The following DST variants were observed in gnomAD, a reference collection of about 807,000 sequenced individuals.
DST encodes dystonin.
DST carries 253 observed loss-of-function variants against 875.2 expected under a neutral mutation model. The observed-to-expected ratio is 0.29, with a 90% confidence interval of 0.26 to 0.32. DST has a LOEUF of 0.32. Among genes scored for constraint, DST ranks in the 10% least tolerant of loss-of-function variants. The pLI, the probability that DST is intolerant of heterozygous loss-of-function variation, is 1.00. For missense variants in DST, 8,287 were observed against 9,111.6 expected (o/e 0.91, Z 3.68); for synonymous variants, 3,124 against 3,197.1 (o/e 0.98, Z 0.77).
rs2097349048 is a variant in DST at position 56,553,210 on chromosome 6, A to C, written c.15582T>G (p.Phe5194Leu). Reference sequence around the variant, plus strand: ...TCTCTCCTTCAGCAGGATCCAAGCAAAATTTTATTTCCTCCAGGTTGTTTT... The same window carrying C: ...TCTCTCCTTCAGCAGGATCCAAGCACAATTTTATTTCCTCCAGGTTGTTTT... ...KCQNNLEEIK[F>L]CLDPAEGENS... Residue 5194 changes from phenylalanine (F) to leucine (L), a missense_variant, in exon 61 of 104, where the codon TTT becomes TTG. Coordinates refer to ENST00000680361, the MANE Select transcript of DST (RefSeq NM_001374736.1). The C allele has an allele frequency of 6.2e-7, 1 of 1,613,960 alleles. No homozygotes were observed. Among genetic ancestry groups the C allele is most frequent in the East Asian group, 2.2e-5 (1 of 44,876 alleles).
Position 56,607,963 on chromosome 6 carries a change from T to G in DST, c.6665A>C (p.Tyr2222Ser). ...AACAGCCTCATCCAAGTCTCCATCG[T>G]ACAGCAAAAGCCTTTGCCCTGTGTT... ...DANTGQRLLL[Y>S]DGDLDEAVGM... is the part of the protein sequence containing the mutation. The change falls in exon 40 of 104, where the codon TAC becomes TCC. Residue 2222 changes from tyrosine (Y) to serine (S), a missense_variant. Around this residue, in one of 10 missense-constraint regions of DST, gnomAD observed 3,138 missense variants for 3,116.6 expected, o/e 1.01. Coordinates refer to ENST00000680361, the MANE Select transcript of DST (RefSeq NM_001374736.1). 1 of 1,613,682 alleles carries G rather than the reference T, an allele frequency of 6.2e-7. No homozygotes were observed. The highest frequency in any genetic ancestry group is 1.1e-5 in the South Asian group (1 of 91,082).
At chr6:56,932,994 A>AT (rs1362682546) in intron 2 of DST, among the ~76,000 whole-genome samples, 2 of 151,952 alleles carry the variant, frequency 1.3e-5, no homozygotes, top group Non-Finnish European at 2.9e-5. Context: ...GAAAGTAAAG[A>AT]TAAAATCTTA....
At chr6:56,845,066 G>C (rs886750100) in intron 4 of DST, among the ~76,000 whole-genome samples, 3 of 152,164 alleles carry the variant, frequency 2.0e-5, no homozygotes, top group African/African-American at 4.8e-5. Flanking sequence ...ATTAGCTGCT[G>C]CACCTACTAC....
chr6:56,690,537 A>G (rs529112426), intron 9 of DST, among the ~76,000 whole-genome samples: 2 of 152,334 alleles, frequency 1.3e-5, no homozygotes, highest in South Asian at 4.1e-4. Context: ...AGATCAAGTC[A>G]GGTTAAGATA....
At chr6:56,634,710 G>A (rs2098810534) in intron 25 of DST, 91 bp downstream of exon 25, 1 of 1,601,578 alleles carries the variant, frequency 6.2e-7, no homozygotes. Flanking sequence ...TATGAGGCGG[G>A]AAATCTTGAT....
chr6:56,636,577 C>T lies in DST; in HGVS notation c.3040G>A (p.Glu1014Lys). Reference sequence around the variant, plus strand: ...CATACCTCGAAATACGCTGTGTTCTCCTTTATGTGCTGCTCCACACACTGG... The same window carrying T: ...CATACCTCGAAATACGCTGTGTTCTTCTTTATGTGCTGCTCCACACACTGG... ...LCQCVEQHIK[E>K]NTAYFEFFND... Residue 1014 changes from glutamate (E) to lysine (K), a missense_variant, in exon 23 of 104, where the codon GAG becomes AAG. Transcript: ENST00000680361. The T allele has an allele frequency of 1.9e-6, 3 of 1,613,252 alleles. No homozygotes were observed. The highest frequency in any genetic ancestry group is 2.5e-6 in the Non-Finnish European group (3 of 1,179,884).
chr6:56,566,075 G>A (rs2097671321), intron 55 of DST, among the ~76,000 whole-genome samples: 1 of 152,178 alleles, frequency 6.6e-6, no homozygotes, highest in African/African-American at 2.4e-5. Flanking sequence ...CAGGTCGACT[G>A]CAGACTGCTG....
At chr6:56,821,309 C>T (rs563381387) in intron 4 of DST, among the ~76,000 whole-genome samples, 1 of 152,250 alleles carries the variant, frequency 6.6e-6, no homozygotes, top group South Asian at 2.1e-4. Context: ...CTAAGTACTT[C>T]GATTCATGTC....
chr6:56,587,991 C>A (rs531101027), intron 49 of DST, among the ~76,000 whole-genome samples: 114 of 152,006 alleles, frequency 7.5e-4, no homozygotes, highest in African/African-American at 2.6e-3. Context: ...GACTAGGAAG[C>A]AACTGCATCA....
At chr6:56,857,089 G>A (rs1332566483) in intron 3 of DST, among the ~76,000 whole-genome samples, 1 of 151,400 alleles carries the variant, frequency 6.6e-6, no homozygotes, top group African/African-American at 2.4e-5. Context: ...ATAGCTCACT[G>A]CAGCCTCGAA....
rs778308562 is a variant in DST, at chr6:56,578,817, G to A, written c.13024C>T (p.Leu4342Phe). The part of the protein sequence containing the change: ...LPAKNDIQKT[L>F]DDIVGRYEDL... ...AGCAAGGACATGAATATCTTACCAA[G>A]TGTTTTCTGGATATCATTCTTGGCT... Residue 4342 changes from leucine (L) to phenylalanine (F), a missense_variant, in exon 50 of 104, where the codon CTT becomes TTT. Transcript: ENST00000680361. 1.9e-6 allele frequency: 3 copies of A among 1,611,968 alleles called. No homozygotes were observed. Among genetic ancestry groups the A allele is most frequent in the Admixed American group, 3.3e-5 (2 of 59,822 alleles).
At chr6:56,753,767 G>A (rs1390447449) in intron 4 of DST, among the ~76,000 whole-genome samples, 3 of 152,130 alleles carry the variant, frequency 2.0e-5, no homozygotes, top group African/African-American at 7.2e-5. Flanking sequence ...AAGTTCTCTG[G>A]AGAAAATGTT....
intron 75 of DST, 28 bp downstream of exon 75, chr6:56,508,501 C>T (rs1337270638): frequency 1.3e-6 from 2 of 1,562,754 alleles, no homozygotes; most frequent in Non-Finnish European, 1.8e-6. Context: ...ACTTATTTTT[C>T]TAACTTTAAA....
chr6:56,467,210 C>G (rs1289214851), intron 98 of DST: 2 of 152,102 alleles, frequency 1.3e-5, no homozygotes, highest in Non-Finnish European at 2.9e-5. Context: ...CTTTGTAAAG[C>G]AGGTAACATA....
chr6:56,838,620 A>C (rs1316999250), intron 4 of DST, among the ~76,000 whole-genome samples: 1 of 152,220 alleles, frequency 6.6e-6, no homozygotes, highest in East Asian at 1.9e-4. Flanking sequence ...CTCTGGGCTA[A>C]ATAAATGTTG....
intron 2 of DST, among the ~76,000 whole-genome samples, chr6:56,933,817 T>C (rs572670532): frequency 6.6e-6 from 1 of 152,130 alleles, no homozygotes; most frequent in South Asian, 2.1e-4. Context: ...CGGGAAGCCA[T>C]TAAGCAAAGA....
At chr6:56,686,686 G>A (rs2099189460) in intron 9 of DST, among the ~76,000 whole-genome samples, 1 of 152,178 alleles carries the variant, frequency 6.6e-6, no homozygotes, top group African/African-American at 2.4e-5. Context: ...CACAGCGGGA[G>A]GGAAGGTGGC....
At chr6:56,742,708 C>T (rs1264648172) in intron 4 of DST, among the ~76,000 whole-genome samples, 2 of 152,172 alleles carry the variant, frequency 1.3e-5, no homozygotes, top group East Asian at 3.9e-4. Context: ...ATTCTCTCTT[C>T]TAACACCCCA....
intron 36 of DST, among the ~76,000 whole-genome samples, chr6:56,621,622 T>C (rs1032771004): frequency 6.6e-6 from 1 of 152,224 alleles, no homozygotes; most frequent in Non-Finnish European, 1.5e-5. Context: ...AAAAAATTTT[T>C]ACTCTACTAG....
Sources: allele counts gnomAD v4.1 joint callset (sites outside exome capture counted in the v4.1 genomes callset), GRCh38; gene constraint gnomAD v4.1.1; regional missense constraint gnomAD v4.1.1; transcripts MANE v1.5; gene names NCBI Gene and HGNC (gene_info 2026-07-23, HGNC 2026-07-21).